The following POLK variants were observed in gnomAD, a reference collection of about 807,000 sequenced individuals.
POLK encodes polymerase (DNA directed) kappa.
A neutral mutation model predicts 94.0 loss-of-function variants in POLK; 76 were observed. The ratio of observed to expected loss-of-function variants is 0.81; its 90% CI spans 0.67 to 0.98. The LOEUF is 0.98. POLK is among the 50% of genes least tolerant of loss of function. POLK has a pLI of 0.00. For missense variants in POLK, 954 were observed against 1,010.1 expected (o/e 0.94, Z 0.75); for synonymous variants, 349 against 325.4 (o/e 1.07, Z -0.78).
chr5:75,513,858 C>T (rs749038052), intron 1 of POLK, among the ~76,000 whole-genome samples: 8 of 152,022 alleles, frequency 5.3e-5, no homozygotes, highest in Non-Finnish European at 8.8e-5. Flanking sequence ...TTTTGAGTCT[C>T]TTCCTGTTAC....
intron 3 of POLK, among the ~76,000 whole-genome samples, chr5:75,569,087 A>T (rs1292651183): frequency 1.3e-5 from 2 of 152,168 alleles, no homozygotes; most frequent in South Asian, 2.1e-4. Flanking sequence ...ATTTTAATTT[A>T]AAAAACAATA....
chr5:75,527,297 T>G (rs765082236), intron 1 of POLK, among the ~76,000 whole-genome samples: 1 of 151,892 alleles, frequency 6.6e-6, no homozygotes, highest in Non-Finnish European at 1.5e-5. Context: ...GGAGGATTGC[T>G]TCAGCCCAGG....
At chr5:75,591,565 A>C (rs969230340) in intron 11 of POLK, among the ~76,000 whole-genome samples, 3 of 152,160 alleles carry the variant, frequency 2.0e-5, no homozygotes, top group Non-Finnish European at 4.4e-5. Flanking sequence ...CTGACATTTA[A>C]TACATTGTCA....
chr5:75,511,262 G>T (rs748700181), upstream of POLK: 1 of 1,598,184 alleles, frequency 6.3e-7, no homozygotes, highest in African/African-American at 1.3e-5. Context: ...CTGCGCCGGA[G>T]GAGGCGCCCA....
chr5:75,548,963 CTTATT>C (rs1340919162), intron 2 of POLK, among the ~76,000 whole-genome samples: 1 of 151,952 alleles, frequency 6.6e-6, no homozygotes, highest in Non-Finnish European at 1.5e-5. Context: ...GGAAAATGGC[CTTATT>C]TTTAAATGCA....
intron 3 of POLK, among the ~76,000 whole-genome samples, chr5:75,565,796 C>T (rs1178404646): frequency 2.0e-5 from 3 of 152,220 alleles, no homozygotes; most frequent in Non-Finnish European, 4.4e-5. Flanking sequence ...CTGGAGCTCT[C>T]CTGTATGAGG....
chr5:75,596,997 AT>A lies in POLK; in HGVS notation c.2305del (p.Cys769ValfsTer3). On this transcript the variant is annotated frameshift_variant, in exon 13 of 15. Coordinates refer to ENST00000241436, the Ensembl canonical transcript of POLK. LOFTEE classifies it high-confidence loss of function. ...GACAAGAATACCGCCAGCCTTACTT[AT>A]GTGAAGTGAAAACAGGCCAAGCTCT... 6.2e-7 allele frequency: 1 copy of A among 1,613,902 alleles called. No homozygotes were observed. The highest frequency in any genetic ancestry group is 8.5e-7 in the Non-Finnish European group (1 of 1,179,842).
At chr5:75,581,152 T>C (rs944054853) in intron 6 of POLK, 57 bp from the exon 7 acceptor site, 1 of 1,254,412 alleles carries the variant, frequency 8.0e-7, no homozygotes, top group African/African-American at 1.5e-5. Flanking sequence ...GAAACCTAAC[T>C]TATGAAGTAT....
At chr5:75,533,426 T>G (rs1769278411) in intron 1 of POLK, among the ~76,000 whole-genome samples, 1 of 152,230 alleles carries the variant, frequency 6.6e-6, no homozygotes, top group African/African-American at 2.4e-5. Context: ...AGTTCTCTAT[T>G]CTGTTCCATT....
At chr5:75,582,512 A>G (rs1440264477) in intron 7 of POLK, 2 of 152,244 alleles carry the variant, frequency 1.3e-5, no homozygotes, top group East Asian at 3.8e-4. Context: ...TCTAATTATC[A>G]TTATTTTAAA....
chr5:75,556,453 C>T (rs1486559490), intron 3 of POLK, among the ~76,000 whole-genome samples: 2 of 152,132 alleles, frequency 1.3e-5, no homozygotes, highest in African/African-American at 4.8e-5. Context: ...TGTTTCCCAA[C>T]CTGTGGCTTT....
intron 1 of POLK, chr5:75,534,688 G>A (rs1769360723): frequency 6.6e-6 from 1 of 152,140 alleles, no homozygotes; most frequent in African/African-American, 2.4e-5. Flanking sequence ...AGAAAAGTTA[G>A]GTCCTTTTGT....
downstream of POLK, among the ~76,000 whole-genome samples, chr5:75,604,964 A>G (rs1169399481): frequency 6.6e-6 from 1 of 152,188 alleles, no homozygotes; most frequent in African/African-American, 2.4e-5. Context: ...TCCCCTTACC[A>G]GTACGAGGTA....
chr5:75,569,729 G>T (rs1450565946), intron 4 of POLK, among the ~76,000 whole-genome samples: 1 of 152,198 alleles, frequency 6.6e-6, no homozygotes, highest in African/African-American at 2.4e-5. Context: ...CCTCACAACA[G>T]GAGGTGAGCG....
upstream of POLK, chr5:75,511,280 G>A (rs1204565970): frequency 1.3e-6 from 2 of 1,581,092 alleles, no homozygotes; most frequent in African/African-American, 1.3e-5. Flanking sequence ...CCAGTCCTCG[G>A]GGTGAAGGGT....
intron 1 of POLK, among the ~76,000 whole-genome samples, chr5:75,541,103 G>C (rs1769714655): frequency 6.6e-6 from 1 of 152,044 alleles, no homozygotes; most frequent in Non-Finnish European, 1.5e-5. Flanking sequence ...GAACAACATG[G>C]AGAAACCCCG....
At position 75,528,646 on chromosome 5, in the gene POLK, T is replaced by C. The variant is rs1033307374; in HGVS notation, c.-14+16732T>C. Among the ~76,000 whole-genome samples, 12 of 147,892 alleles carry C rather than the reference T, an allele frequency of 8.1e-5. 1 individual carries two copies. In the South Asian group the frequency reaches 1.1e-3, roughly 13 times the overall value. ...GGGCAACATAGCAAGAACTCCACTCTACCAAAAAAAAAAAAAAATTTGGGC... is the reference window on the plus strand; with the variant it reads ...GGGCAACATAGCAAGAACTCCACTCCACCAAAAAAAAAAAAAAATTTGGGC... On this transcript the variant is annotated intron_variant, in intron 1 of 14. Transcript: ENST00000241436.
chr5:75,511,509 G>A (rs541337924), upstream of POLK: 10 of 1,476,994 alleles, frequency 6.8e-6, no homozygotes, highest in South Asian at 1.1e-4. Context: ...TAGCCCCCTC[G>A]ATGCCAATTT....
intron 1 of POLK, among the ~76,000 whole-genome samples, chr5:75,540,242 T>C (rs964987557): frequency 3.3e-5 from 5 of 152,132 alleles, no homozygotes; most frequent in African/African-American, 1.2e-4. Flanking sequence ...AATTTCTTAT[T>C]TGTAGTGTAG....
Sources: gnomAD v4.1 joint callset for allele counts (sites outside exome capture counted in the v4.1 genomes callset) on GRCh38, gnomAD v4.1.1 for gene constraint, MANE v1.5 for transcripts, NCBI Gene and HGNC (gene_info 2026-07-23, HGNC 2026-07-21) for gene names.